The following MAF variants were observed in gnomAD, a reference collection of about 807,000 sequenced individuals.
The protein encoded by MAF is transcription factor Maf.
In MAF, 10 loss-of-function variants were observed where a neutral mutation model predicts 22.0. That is an observed-to-expected ratio of 0.45 (90% CI 0.28 to 0.77). MAF has a LOEUF of 0.77. Among genes scored for constraint, MAF ranks in the 30% least tolerant of loss-of-function variants. The probability of loss-of-function intolerance (pLI) is 0.12; values close to 1 mark genes in which losing one functional copy is unlikely to be tolerated. For synonymous variants in MAF, 337 were observed against 255.8 expected (o/e 1.32, Z -3.03); for missense variants, 544 against 548.4 (o/e 0.99, Z 0.08).
At chr16:79,217,984 T>C in the MAF span, among the ~76,000 whole-genome samples, 1 of 75,462 alleles carries the variant, frequency 1.3e-5, no homozygotes, top group Non-Finnish European at 2.4e-5. Context: ...TAGAAGCTTA[T>C]GTAAAAAAAA....
In MAF at chr16:79,594,400, A is replaced by G. The variant is rs1422087790; in HGVS notation, c.*60T>C. On this transcript the variant is annotated 3_prime_UTR_variant, in exon 2 of 2. Transcript: ENST00000326043. ...AGAAGTCAGGGGTAGGTGGTTCTCC[A>G]TGACTGCAAATAATAATAATAATGA... is the stretch of plus-strand genomic sequence containing the variant. 8 of 1,456,694 alleles carry G rather than the reference A, an allele frequency of 5.5e-6. No homozygotes were observed. Among genetic ancestry groups the G allele is most frequent in the Admixed American group, 2.0e-5 (1 of 50,854 alleles). 90.2% of individuals were successfully genotyped at this position (1,456,694 alleles called of 1,614,324 possible). A position where few individuals can be genotyped will look rare whatever the true frequency, so the allele number is the denominator to read the frequency against.
the MAF span, among the ~76,000 whole-genome samples, chr16:79,225,692 C>G: frequency 2.3e-4 from 35 of 151,976 alleles, no homozygotes; most frequent in Non-Finnish European, 4.9e-4. Context: ...AAAAAAACCA[C>G]ACAACCCCAT....
At chr16:79,437,879 C>G in the MAF span, among the ~76,000 whole-genome samples, 4 of 152,020 alleles carry the variant, frequency 2.6e-5, no homozygotes, top group Non-Finnish European at 2.9e-5. Context: ...CCGCATTCCC[C>G]TTTCACCTAG....
chr16:79,439,080 T>C, the MAF span, among the ~76,000 whole-genome samples: 3 of 152,042 alleles, frequency 2.0e-5, no homozygotes, highest in African/African-American at 4.8e-5. Context: ...GAGGCAGGGA[T>C]TGAGTCTGGG....
At chr16:79,218,682 T>A in the MAF span, among the ~76,000 whole-genome samples, 1 of 152,226 alleles carries the variant, frequency 6.6e-6, no homozygotes, top group Admixed American at 6.5e-5. Context: ...CCTCCTTATT[T>A]AAAGTATAAG....
chr16:79,386,422 G>A, the MAF span, among the ~76,000 whole-genome samples: 1 of 152,054 alleles, frequency 6.6e-6, no homozygotes, highest in Admixed American at 6.6e-5. Context: ...ATGCTCCTTT[G>A]AGAATCTAAT....
chr16:79,417,696 C>T, the MAF span, among the ~76,000 whole-genome samples: 2 of 152,176 alleles, frequency 1.3e-5, no homozygotes, highest in African/African-American at 4.8e-5. Context: ...CCCCACATGG[C>T]CCTCTAACTT....
chr16:79,506,270 T>C, the MAF span, among the ~76,000 whole-genome samples: 1 of 152,244 alleles, frequency 6.6e-6, no homozygotes, highest in Non-Finnish European at 1.5e-5. Flanking sequence ...ATGCCTTCTG[T>C]AGCCTCATTT....
chr16:79,328,105 A>AGCAT, the MAF span, among the ~76,000 whole-genome samples: 1 of 152,220 alleles, frequency 6.6e-6, no homozygotes, highest in African/African-American at 2.4e-5. Flanking sequence ...TCATCCCTGC[A>AGCAT]GCATGCATTA....
At chr16:79,355,941 G>C in the MAF span, among the ~76,000 whole-genome samples, 1 of 152,122 alleles carries the variant, frequency 6.6e-6, no homozygotes, top group East Asian at 1.9e-4. Flanking sequence ...AAATAGCCTC[G>C]TAATCCTTCT....
chr16:79,402,388 G>T, the MAF span, among the ~76,000 whole-genome samples: 1 of 152,204 alleles, frequency 6.6e-6, no homozygotes, highest in Non-Finnish European at 1.5e-5. Context: ...GAGCAGGAAG[G>T]CCCCTGCTCT....
chr16:79,230,023 TAC>T, the MAF span, among the ~76,000 whole-genome samples: 1 of 152,050 alleles, frequency 6.6e-6, no homozygotes, highest in African/African-American at 2.4e-5. Flanking sequence ...ATAAAAGCAC[TAC>T]ACTGAATCCT....
chr16:79,287,585 A>T, the MAF span, among the ~76,000 whole-genome samples: 1 of 152,224 alleles, frequency 6.6e-6, no homozygotes, highest in Non-Finnish European at 1.5e-5. Context: ...GCCGGAAATC[A>T]GATGTTATTT....
At chr16:79,510,236 T>C in the MAF span, among the ~76,000 whole-genome samples, 2 of 152,194 alleles carry the variant, frequency 1.3e-5, no homozygotes, top group Admixed American at 1.3e-4. Context: ...GCTCAATAAA[T>C]ATTGCCTATT....
chr16:79,330,304 A>C, the MAF span, among the ~76,000 whole-genome samples: 4 of 152,238 alleles, frequency 2.6e-5, no homozygotes, highest in South Asian at 8.3e-4. Context: ...TGTTAAGGAA[A>C]CTAAAGCTCC....
At chr16:79,329,696 G>A in the MAF span, among the ~76,000 whole-genome samples, 1 of 152,106 alleles carries the variant, frequency 6.6e-6, no homozygotes, top group Non-Finnish European at 1.5e-5. Flanking sequence ...AGAGACATCT[G>A]TTCATCTTCT....
chr16:79,464,400 G>A, the MAF span, among the ~76,000 whole-genome samples: 11 of 152,108 alleles, frequency 7.2e-5, no homozygotes, highest in Admixed American at 2.0e-4. Flanking sequence ...AGAGAATGTT[G>A]TCCAAGAATA....
At chr16:79,312,846 G>A in the MAF span, among the ~76,000 whole-genome samples, 1 of 152,160 alleles carries the variant, frequency 6.6e-6, no homozygotes, top group South Asian at 2.1e-4. Flanking sequence ...AGGCACCTTT[G>A]CAAGTTTACT....
the MAF span, among the ~76,000 whole-genome samples, chr16:79,359,210 C>T: frequency 0.6 from 91,753 of 151,958 alleles, 29,329 homozygotes; most frequent in African/African-American, 0.8. Flanking sequence ...GGCTGTTTTA[C>T]GCCATCACTT....
Sources: allele counts gnomAD v4.1 joint callset (sites outside exome capture counted in the v4.1 genomes callset), GRCh38; gene constraint gnomAD v4.1.1; transcripts MANE v1.5; gene names NCBI Gene and HGNC (gene_info 2026-07-23, HGNC 2026-07-21).